Variants in RYR2 observed in about 807,000 individuals in gnomAD.
RYR2 encodes cardiac muscle ryanodine receptor-calcium release channel.
Under a neutral mutation model 601.1 loss-of-function variants are expected in RYR2, and 227 were observed. That is an observed-to-expected ratio of 0.38 (90% CI 0.34 to 0.42). The LOEUF (loss-of-function observed/expected upper bound fraction) is 0.42. Ranked by LOEUF, RYR2 falls within the 10% of genes least tolerant of loss-of-function variation. The probability of loss-of-function intolerance (pLI) is 1.00; values close to 1 mark genes in which losing one functional copy is unlikely to be tolerated. For missense variants in RYR2, 4,646 were observed against 6,156.5 expected (o/e 0.75, Z 8.21); for synonymous variants, 2,223 against 2,175.1 (o/e 1.02, Z -0.61).
At chr1:237,740,063 C>T (rs1206920748) in intron 79 of RYR2, among the ~76,000 whole-genome samples, 1 of 152,212 alleles carries the variant, frequency 6.6e-6, no homozygotes, top group Non-Finnish European at 1.5e-5. Context: ...TAGAATTTAG[C>T]ATTCTGATCC....
At chr1:237,075,460 C>T (rs1346636695) in intron 1 of RYR2, among the ~76,000 whole-genome samples, 1 of 138,094 alleles carries the variant, frequency 7.2e-6, no homozygotes, top group African/African-American at 2.8e-5. Context: ...ATTGCCTCAC[C>T]TGGGAAGTGC....
intron 1 of RYR2, among the ~76,000 whole-genome samples, chr1:237,053,855 G>A (rs1231130463): frequency 6.6e-6 from 1 of 152,180 alleles, no homozygotes; most frequent in Non-Finnish European, 1.5e-5. Context: ...GGTGGAGGAG[G>A]CAGCATTTCC....
chr1:237,198,371 T>G lies in RYR2; in HGVS notation c.49-72126T>G, dbSNP rs1039356384. 3.9e-5 allele frequency among the ~76,000 whole-genome samples: 6 copies of G among 152,162 alleles called. No individual in the cohort carries two copies. The East Asian group carries it at 1.2e-3, about 29-fold the overall frequency. ...AATTGTGGTGTGCGGTGTTATAAAATCCTTGCATTTTATAGCGATTAGATT... is the reference window on the plus strand; with the variant it reads ...AATTGTGGTGTGCGGTGTTATAAAAGCCTTGCATTTTATAGCGATTAGATT... On this transcript the variant is annotated intron_variant, in intron 1 of 104. Coordinates refer to ENST00000366574, the MANE Select transcript of RYR2 (RefSeq NM_001035.3).
In RYR2 at chr1:237,674,237, C is replaced by G; in HGVS notation, c.8714+18C>G. 1 of 1,585,486 alleles carries G rather than the reference C, an allele frequency of 6.3e-7. No individual in the cohort carries two copies. The highest frequency in any genetic ancestry group is 8.7e-7 in the Non-Finnish European group (1 of 1,155,534). ...GTATCCAGGTAAAAGTACACATACC[C>G]TAAGTACACACTCTTTTCACAAGAG... On this transcript the variant is annotated intron_variant, in intron 59 of 104. Coordinates refer to ENST00000366574, the MANE Select transcript of RYR2 (RefSeq NM_001035.3).
At chr1:237,286,123 G>A (rs1691530897) in intron 2 of RYR2, among the ~76,000 whole-genome samples, 1 of 151,896 alleles carries the variant, frequency 6.6e-6, no homozygotes, top group Non-Finnish European at 1.5e-5. Flanking sequence ...GTGTCAGTTT[G>A]TACTCTTTCA....
intron 1 of RYR2, among the ~76,000 whole-genome samples, chr1:237,073,571 T>A (rs1017852276): frequency 3.9e-5 from 6 of 151,916 alleles, no homozygotes; most frequent in African/African-American, 1.5e-4. Context: ...ATATAAAATA[T>A]CTCATTAATA....
chr1:237,387,191 C>A, intron 8 of RYR2, 90 bp from the exon 9 acceptor site: 1 of 1,117,390 alleles, frequency 8.9e-7, no homozygotes, highest in Non-Finnish European at 1.4e-6. Context: ...ATAACCAAAT[C>A]AGCAACGTTA....
chr1:237,361,692 A>G (rs1699794086), intron 4 of RYR2, among the ~76,000 whole-genome samples: 1 of 152,212 alleles, frequency 6.6e-6, no homozygotes, highest in African/African-American at 2.4e-5. Flanking sequence ...TTTAAAAATC[A>G]GTTTTTAGCT....
At chr1:237,774,498 C>T (rs1308012122) in intron 87 of RYR2, among the ~76,000 whole-genome samples, 1 of 152,132 alleles carries the variant, frequency 6.6e-6, no homozygotes, top group Non-Finnish European at 1.5e-5. Context: ...CAGGCTCACT[C>T]GCCTCTGCAT....
At chr1:237,643,576 T>C (rs1240671323) in intron 48 of RYR2, 129 bp downstream of exon 48, 2 of 927,814 alleles carry the variant, frequency 2.2e-6, no homozygotes, top group South Asian at 2.4e-5. Flanking sequence ...CTTAAATTAG[T>C]TTTTTTAAAA....
intron 1 of RYR2, among the ~76,000 whole-genome samples, chr1:237,064,190 T>C (rs1453432270): frequency 6.6e-6 from 1 of 152,192 alleles, no homozygotes. Flanking sequence ...TTTTATTTTT[T>C]CTTTGTACTT....
chr1:237,340,328 G>A (rs149525824), intron 3 of RYR2, among the ~76,000 whole-genome samples: 1,645 of 152,278 alleles, frequency 0.011, 14 homozygotes, highest in Non-Finnish European at 0.019. Flanking sequence ...GCATTCTGGA[G>A]CTAGGGGGAC....
At chr1:237,086,849 CA>C (rs1252432059) in intron 1 of RYR2, among the ~76,000 whole-genome samples, 1 of 152,160 alleles carries the variant, frequency 6.6e-6, no homozygotes, top group Non-Finnish European at 1.5e-5. Flanking sequence ...GGTTGGCAAA[CA>C]GCAGTCAAAC....
At chr1:237,488,658 C>T (rs568588738) in intron 17 of RYR2, among the ~76,000 whole-genome samples, 1 of 152,314 alleles carries the variant, frequency 6.6e-6, no homozygotes, top group South Asian at 2.1e-4. Context: ...TGATTTGCTC[C>T]TGTCCCACCC....
chr1:237,485,082 A>G (rs951108422), intron 17 of RYR2, among the ~76,000 whole-genome samples: 1 of 152,210 alleles, frequency 6.6e-6, no homozygotes, highest in Admixed American at 6.5e-5. Context: ...TTTTTCCTCA[A>G]ATTGAAACAC....
At chr1:237,396,033 T>C (rs1190762581) in intron 10 of RYR2, among the ~76,000 whole-genome samples, 4 of 152,240 alleles carry the variant, frequency 2.6e-5, no homozygotes, top group African/African-American at 9.6e-5. Context: ...TTGTTTCGTA[T>C]TTGTGAAAGA....
At chr1:237,800,888 C>T (rs1468742535) in intron 97 of RYR2, among the ~76,000 whole-genome samples, 2 of 152,026 alleles carry the variant, frequency 1.3e-5, no homozygotes, top group Non-Finnish European at 2.9e-5. Context: ...ATATAACCAC[C>T]TACATGCATA....
At position 237,660,921 on chromosome 1, in the gene RYR2, A is replaced by T. The variant is rs1192280862; in HGVS notation, c.8410A>T (p.Thr2804Ser). The T allele has an allele frequency of 2.7e-6, 4 of 1,459,802 alleles. No individual in the cohort carries two copies. The highest frequency in any genetic ancestry group is 3.6e-6 in the Non-Finnish European group (4 of 1,099,710). 90.4% of individuals were successfully genotyped at this position (1,459,802 alleles called of 1,614,324 possible). A position where few individuals can be genotyped will look rare whatever the true frequency, so the allele number is the denominator to read the frequency against. Residue 2804 changes from threonine to serine, a missense_variant, in exon 56 of 105, where the codon ACT becomes TCT. By Grantham distance (58) the Thr-to-Ser change is moderately conservative. Coordinates refer to ENST00000366574, the MANE Select transcript of RYR2 (RefSeq NM_001035.3). The stretch of plus-strand genomic sequence containing the variant: ...AGACAGCATGGCCCTTTACAACCGG[A>T]CTCGTCGTATTTCTCAGACAAGCCA... The part of the protein sequence containing the change: ...EGDSMALYNR[T>S]RRISQTSQVS...
At chr1:237,678,379 A>G (rs540665250) in intron 61 of RYR2, among the ~76,000 whole-genome samples, 19 of 152,270 alleles carry the variant, frequency 1.2e-4, no homozygotes, top group African/African-American at 3.8e-4. Flanking sequence ...TTGTTTTATC[A>G]TATGATATGG....
Sources: allele counts gnomAD v4.1 joint callset (sites outside exome capture counted in the v4.1 genomes callset), GRCh38; gene constraint gnomAD v4.1.1; transcripts MANE v1.5; gene names NCBI Gene and HGNC (gene_info 2026-07-23, HGNC 2026-07-21).